AS3MT: variants seen among roughly 807,000 people sequenced by gnomAD.
AS3MT encodes the protein S-adenosyl-L-methionine:arsenic(III) methyltransferase.
A neutral mutation model predicts 45.3 loss-of-function variants in AS3MT; 47 were observed. The ratio of observed to expected loss-of-function variants is 1.04; its 90% CI spans 0.82 to 1.32. The LOEUF is 1.32. Ranked by LOEUF, AS3MT falls within the 40% of genes most tolerant of loss-of-function variation. The pLI is 0.00. For synonymous variants in AS3MT, 141 were observed against 152.8 expected (o/e 0.92, Z 0.57); for missense variants, 396 against 451.1 (o/e 0.88, Z 1.11).
chr10:102,871,167 G>A (rs1844673385), intron 3 of AS3MT, among the ~76,000 whole-genome samples: 1 of 152,062 alleles, frequency 6.6e-6, no homozygotes, highest in Middle Eastern at 3.4e-3. Flanking sequence ...TCACTTGAAC[G>A]TGGAAGGCGG....
At position 102,895,396 on chromosome 10, in the gene AS3MT, T is replaced by A. The variant is rs181600984; in HGVS notation, c.1020+4718T>A. ...TTGTATTTTTAGTAGAGGCGGGGTC[T>A]CATCATGTTGGCCAGCCTGGTCTCG... On this transcript the variant is annotated intron_variant, in intron 10 of 10. Transcript: ENST00000369880. Among the ~76,000 whole-genome samples, 5 of 152,134 alleles carry A rather than the reference T, an allele frequency of 3.3e-5. No homozygotes were observed. The East Asian group carries it at 7.8e-4, about 24-fold the overall frequency.
chr10:102,887,736 G>T (rs1280573031), intron 9 of AS3MT: 1 of 152,036 alleles, frequency 6.6e-6, no homozygotes, highest in Non-Finnish European at 1.5e-5. Context: ...CATATAATTT[G>T]GTCCCATTTT....
intron 3 of AS3MT, among the ~76,000 whole-genome samples, chr10:102,870,941 C>T (rs543692656): frequency 6.6e-6 from 1 of 152,320 alleles, no homozygotes; most frequent in African/African-American, 2.4e-5. Flanking sequence ...TGTTTTATCT[C>T]GCCTCTCAAA....
intron 3 of AS3MT, 130 bp from the exon 4 acceptor site, chr10:102,872,318 T>G: frequency 1.1e-6 from 1 of 950,688 alleles, no homozygotes. Context: ...GAAGTATGAG[T>G]GAATGATGCA....
intron 10 of AS3MT, among the ~76,000 whole-genome samples, chr10:102,897,386 G>GA (rs201863292): frequency 0.11 from 15,223 of 142,128 alleles, 803 homozygotes; most frequent in Middle Eastern, 0.19. Flanking sequence ...TCCGTCTCAA[G>GA]AAAAAAAAAA....
At chr10:102,890,409 A>T in intron 9 of AS3MT, 135 bp from the exon 10 acceptor site, 1 of 639,984 alleles carries the variant, frequency 1.6e-6, no homozygotes, top group South Asian at 2.5e-5. Flanking sequence ...TGGCTGTACT[A>T]ATTTAAATTC....
At chr10:102,880,329 A>G (rs1844853739) in intron 9 of AS3MT, among the ~76,000 whole-genome samples, 1 of 152,208 alleles carries the variant, frequency 6.6e-6, no homozygotes, top group African/African-American at 2.4e-5. Flanking sequence ...TCACTAGACA[A>G]ACTTTTATTG....
At chr10:102,895,569 A>G (rs1845151569) in intron 10 of AS3MT, among the ~76,000 whole-genome samples, 1 of 152,140 alleles carries the variant, frequency 6.6e-6, no homozygotes. Context: ...TAAACTAATA[A>G]TTATTTTAAA....
At chr10:102,898,348 C>A (rs940639537) in intron 10 of AS3MT, among the ~76,000 whole-genome samples, 6 of 152,046 alleles carry the variant, frequency 3.9e-5, no homozygotes, top group Admixed American at 2.0e-4. Flanking sequence ...GTAATCCCAG[C>A]ATTTTGGGAG....
chr10:102,870,952 T>TA (rs2134108135), intron 3 of AS3MT, among the ~76,000 whole-genome samples: 1 of 152,290 alleles, frequency 6.6e-6, no homozygotes, highest in Non-Finnish European at 1.5e-5. Context: ...GCCTCTCAAA[T>TA]ACACCTACGC....
chr10:102,889,607 T>TCTGCCTGCCTGCCTGCCTGCCTGCCTGC lies in AS3MT; in HGVS notation c.886-927_886-926insGCCTGCCTGCCTGCCTGCCTGCCTGCCT, dbSNP rs201022942. 2.4e-4 allele frequency among the ~76,000 whole-genome samples: 30 copies of TCTGCCTGCCTGCCTGCCTGCCTGCCTGC among 123,700 alleles called. 1 individual carries two copies. Among genetic ancestry groups the TCTGCCTGCCTGCCTGCCTGCCTGCCTGC allele is most frequent in the African/African-American group, 6.2e-4 (21 of 34,076 alleles). The allele number at this position is 123,700 out of a possible 152,430, so 81.2% of individuals were successfully genotyped here. ...TCATTCCCTTCCCTTCCCCTGCCTG[T>TCTGCCTGCCTGCCTGCCTGCCTGCCTGC]CTGCCTGCCTTCCTTCCTTCCTTCC... On this transcript the variant is annotated intron_variant, in intron 9 of 10. Coordinates refer to ENST00000369880, the MANE Select transcript of AS3MT (RefSeq NM_020682.4).
Position 102,882,654 on chromosome 10 carries a change from A to G in AS3MT, c.885+3663A>G, listed in dbSNP as rs192050900. ...GCCTAGGCTGGAGTGCAGTGACTCAATCTCAGCTCACTGCAACCTCTGCCT... is the reference window on the plus strand; with the variant it reads ...GCCTAGGCTGGAGTGCAGTGACTCAGTCTCAGCTCACTGCAACCTCTGCCT... On this transcript the variant is annotated intron_variant, in intron 9 of 10. Transcript: ENST00000369880. Among the ~76,000 whole-genome samples the G allele has an allele frequency of 3.8e-3, 582 of 152,038 alleles. 1 individual carries two copies. The highest frequency in any genetic ancestry group is 5.6e-3 in the Non-Finnish European group (378 of 67,984).
In AS3MT at chr10:102,869,799, C is replaced by G; in HGVS notation, c.2-6C>G. On this transcript the variant is annotated splice_polypyrimidine_tract_variant and splice_region_variant and intron_variant, in intron 1 of 10. Transcript: ENST00000369880. ...TCCTTTCAACTAACTTTCCCGCTCC[C>G]GACAGTGGCTGCACTTCGTGACGCT... 1 of 1,614,158 alleles carries G rather than the reference C, an allele frequency of 6.2e-7. No homozygotes were observed. The highest frequency in any genetic ancestry group is 8.5e-7 in the Non-Finnish European group (1 of 1,180,052).
Position 102,872,576 on chromosome 10 carries a change from G to C in AS3MT, c.299G>C (p.Gly100Ala). 3.7e-6 allele frequency: 6 copies of C among 1,613,040 alleles called. No individual in the cohort carries two copies. Among genetic ancestry groups the C allele is most frequent in the Non-Finnish European group, 5.1e-6 (6 of 1,179,704 alleles). Residue 100 changes from glycine (G) to alanine (A), a missense_variant, in exon 4 of 11, where the codon GGA (glycine) becomes GCA (alanine). Coordinates refer to ENST00000369880, the MANE Select transcript of AS3MT (RefSeq NM_020682.4). ...QLVGEKGHVT[G>A]IDMTKGQVEV... ...GTTGGTGAAAAAGGACACGTGACTG[G>C]AATAGACATGACCAAAGGCCAGGTG...
At chr10:102,889,015 C>T (rs575138339) in intron 9 of AS3MT, among the ~76,000 whole-genome samples, 2 of 151,354 alleles carry the variant, frequency 1.3e-5, no homozygotes, top group Non-Finnish European at 1.5e-5. Flanking sequence ...CTCAGCGCCC[C>T]GAGTAGCTGG....
chr10:102,873,339 G>A (rs1214646251), intron 5 of AS3MT, 106 bp downstream of exon 5: 2 of 895,728 alleles, frequency 2.2e-6, no homozygotes, highest in Non-Finnish European at 1.5e-6. Flanking sequence ...AGAGTGCAGT[G>A]GCCCAATGTC....
In AS3MT at chr10:102,881,439, G is replaced by C. The variant is rs929111845; in HGVS notation, c.885+2448G>C. On this transcript the variant is annotated intron_variant, in intron 9 of 10. Transcript: ENST00000369880. The surrounding 1 kb of genome is among the most constrained non-coding windows in gnomAD (Gnocchi z 4.2). ...TATTATTTAGTAAGTTAGTAAAGGC[G>C]TGCTACTCATTAGATGCTAATCTCA... Among the ~76,000 whole-genome samples, 1 of 152,114 alleles carries C rather than the reference G, an allele frequency of 6.6e-6. No individual in the cohort carries two copies. Among genetic ancestry groups the C allele is most frequent in the African/African-American group, 2.4e-5 (1 of 41,410 alleles).
rs754984848 is a variant in AS3MT, at chr10:102,878,839, C to A, written c.743-10C>A. 13 of 1,610,064 alleles carry A rather than the reference C, an allele frequency of 8.1e-6. No homozygotes were observed. Among genetic ancestry groups the A allele is most frequent in the South Asian group, 3.3e-5 (3 of 89,996 alleles). On this transcript the variant is annotated splice_polypyrimidine_tract_variant and intron_variant, in intron 8 of 10. Transcript: ENST00000369880. ...GCTGGAGATGAACCGTGAATAAATT[C>A]TATTTTTAGGTGACTGTCGTTTTGT...
chr10:102,886,002 C>T lies in AS3MT; in HGVS notation c.886-4542C>T, dbSNP rs931759004. Among the ~76,000 whole-genome samples the T allele has an allele frequency of 2.0e-5, 3 of 152,088 alleles. 1 individual carries two copies. The East Asian group carries it at 5.8e-4, about 29-fold the overall frequency. ...TCTTTTTCAAGTCTGAATAGTATTC[C>T]AGTGTGTACATATACTACTACGTTT... On this transcript the variant is annotated intron_variant, in intron 9 of 10. Coordinates refer to ENST00000369880, the MANE Select transcript of AS3MT (RefSeq NM_020682.4).
Sources: gnomAD v4.1 joint callset for allele counts (sites outside exome capture counted in the v4.1 genomes callset) on GRCh38, gnomAD v4.1.1 for gene constraint, Gnocchi (gnomAD v3.1) non-coding constraint, MANE v1.5 for transcripts, NCBI Gene and HGNC (gene_info 2026-07-23, HGNC 2026-07-21) for gene names.